Variants in ITGA9 observed in about 807,000 individuals in gnomAD.
ITGA9 encodes the protein integrin alpha-9.
ITGA9 carries 56 observed loss-of-function variants against 127.8 expected under a neutral mutation model. The observed-to-expected ratio is 0.44, with a 90% CI of 0.35 to 0.55. The LOEUF (loss-of-function observed/expected upper bound fraction) is 0.55. ITGA9 is among the 20% of genes least tolerant of loss of function. The probability of loss-of-function intolerance (pLI) is 0.00; values close to 1 mark genes in which losing one functional copy is unlikely to be tolerated. For synonymous variants in ITGA9, 508 were observed against 514.5 expected (o/e 0.99, Z 0.17); for missense variants, 1,196 against 1,347.1 (o/e 0.89, Z 1.76).
At chr3:37,599,671 A>C (rs1699899133) in intron 15 of ITGA9, among the ~76,000 whole-genome samples, 1 of 152,322 alleles carries the variant, frequency 6.6e-6, no homozygotes, top group East Asian at 1.9e-4. Flanking sequence ...TTGGAGTCCC[A>C]TGGGGCTCTC....
intron 5 of ITGA9, 68 bp downstream of exon 5, chr3:37,494,636 G>T: frequency 7.2e-7 from 1 of 1,384,132 alleles, no homozygotes; most frequent in Non-Finnish European, 1.0e-6. Context: ...ATATGATTTT[G>T]GCAACCCTTA....
At chr3:37,792,086 G>C (rs1411218901) in intron 26 of ITGA9, among the ~76,000 whole-genome samples, 3 of 152,296 alleles carry the variant, frequency 2.0e-5, no homozygotes, top group African/African-American at 7.2e-5. Context: ...TCAGCAGTGG[G>C]TGGTGAGTAG....
intron 27 of ITGA9, among the ~76,000 whole-genome samples, chr3:37,804,366 C>A (rs1401399687): frequency 6.6e-6 from 1 of 152,206 alleles, no homozygotes; most frequent in African/African-American, 2.4e-5. Context: ...ACTTGAGTAA[C>A]TGAGATGGGC....
chr3:37,677,967 C>T (rs1028480166), intron 17 of ITGA9, among the ~76,000 whole-genome samples: 1 of 152,170 alleles, frequency 6.6e-6, no homozygotes, highest in African/African-American at 2.4e-5. Flanking sequence ...GATATTGCTC[C>T]TAGGAAGAAT....
At chr3:37,554,128 T>G (rs1699406740) in intron 15 of ITGA9, among the ~76,000 whole-genome samples, 2 of 151,524 alleles carry the variant, frequency 1.3e-5, no homozygotes, top group Non-Finnish European at 1.5e-5. Flanking sequence ...ATAGATATAA[T>G]AAGAAGAAAA....
chr3:37,741,859 C>A (rs781441215), intron 21 of ITGA9, 40 bp downstream of exon 21: 4 of 1,481,694 alleles, frequency 2.7e-6, no homozygotes, highest in African/African-American at 1.4e-5. Context: ...CACAGGAGTG[C>A]CCTCCAGTGG....
chr3:37,815,844 T>TG (rs1214006274), intron 27 of ITGA9, among the ~76,000 whole-genome samples: 2 of 152,034 alleles, frequency 1.3e-5, no homozygotes, highest in East Asian at 3.9e-4. Context: ...CTGAGCTCAG[T>TG]GGGGCAGTTT....
At chr3:37,575,341 G>A (rs141616320) in intron 15 of ITGA9, among the ~76,000 whole-genome samples, 3 of 152,278 alleles carry the variant, frequency 2.0e-5, no homozygotes, top group East Asian at 3.9e-4. Flanking sequence ...TCACCTACTA[G>A]TGTTTTGTTG....
At chr3:37,630,081 C>A (rs568706932) in intron 16 of ITGA9, among the ~76,000 whole-genome samples, 91 of 152,340 alleles carry the variant, frequency 6.0e-4, no homozygotes, top group African/African-American at 2.0e-3. Context: ...CTAACCCAGC[C>A]TCCTAGGCAG....
chr3:37,553,970 C>T (rs952959189), intron 15 of ITGA9, among the ~76,000 whole-genome samples: 40 of 152,086 alleles, frequency 2.6e-4, no homozygotes, highest in African/African-American at 9.2e-4. Context: ...TTCAGTGACT[C>T]GAGGATGTTC....
chr3:37,668,548 T>G (rs1426681496), intron 17 of ITGA9, among the ~76,000 whole-genome samples: 1 of 152,152 alleles, frequency 6.6e-6, no homozygotes, highest in African/African-American at 2.4e-5. Flanking sequence ...CTTGCTAAGA[T>G]TTTTGCAGTT....
chr3:37,512,420 A>G (rs1380895672), intron 8 of ITGA9, among the ~76,000 whole-genome samples: 1 of 151,388 alleles, frequency 6.6e-6, no homozygotes, highest in Admixed American at 6.6e-5. Context: ...GGGTTTCACC[A>G]TGTTGGCCAG....
chr3:37,770,848 C>T (rs912391946), intron 23 of ITGA9, among the ~76,000 whole-genome samples: 2 of 152,152 alleles, frequency 1.3e-5, no homozygotes, highest in African/African-American at 4.8e-5. Context: ...TCCTTGGGCT[C>T]CCACAGCCAG....
chr3:37,726,611 G>C (rs761537459), intron 18 of ITGA9, among the ~76,000 whole-genome samples: 23 of 152,222 alleles, frequency 1.5e-4, no homozygotes, highest in Non-Finnish European at 2.8e-4. Context: ...AGCTTCCGGG[G>C]CTGGGACAGG....
chr3:37,517,077 A>G (rs1048474555), intron 9 of ITGA9, among the ~76,000 whole-genome samples: 16 of 152,226 alleles, frequency 1.1e-4, no homozygotes, highest in Non-Finnish European at 2.1e-4. Context: ...AGTTTTATAA[A>G]CTTGTACCAA....
intron 1 of ITGA9, among the ~76,000 whole-genome samples, chr3:37,466,204 C>G (rs1369778363): frequency 1.3e-5 from 2 of 152,006 alleles, no homozygotes; most frequent in African/African-American, 4.8e-5. Context: ...CTTATGAGGC[C>G]AGGCATAGTG....
intron 25 of ITGA9, among the ~76,000 whole-genome samples, chr3:37,783,757 A>G (rs956158853): frequency 7.9e-5 from 12 of 152,244 alleles, no homozygotes; most frequent in African/African-American, 2.7e-4. Flanking sequence ...TTTCTTGCTT[A>G]AAGTGAGTTA....
intron 26 of ITGA9, among the ~76,000 whole-genome samples, chr3:37,793,958 G>A (rs565344198): frequency 1.2e-4 from 18 of 152,338 alleles, no homozygotes; most frequent in African/African-American, 4.3e-4. Context: ...CAAATCAAGA[G>A]AGGGGACCCA....
At chr3:37,528,304 C>T (rs1235807843) in intron 13 of ITGA9, among the ~76,000 whole-genome samples, 4 of 152,144 alleles carry the variant, frequency 2.6e-5, no homozygotes, top group South Asian at 4.1e-4. Flanking sequence ...TGGGAGACCC[C>T]AGACTCCAGC....
Sources: gnomAD v4.1 joint callset for allele counts (sites outside exome capture counted in the v4.1 genomes callset) on GRCh38, gnomAD v4.1.1 for gene constraint, MANE v1.5 for transcripts, NCBI Gene and HGNC (gene_info 2026-07-23, HGNC 2026-07-21) for gene names.